Variants in IMPDH1 observed in about 807,000 individuals in gnomAD.
The protein encoded by IMPDH1 is inosine-5'-monophosphate dehydrogenase 1.
Under a neutral mutation model 73.5 loss-of-function variants are expected in IMPDH1, and 41 were observed. The observed-to-expected ratio is 0.56, with a 90% CI of 0.43 to 0.72. The LOEUF is 0.72. Among genes scored for constraint, IMPDH1 ranks in the 30% least tolerant of loss-of-function variants. IMPDH1 has a pLI of 0.00. For missense variants in IMPDH1, 645 were observed against 824.8 expected (o/e 0.78, Z 2.67); for synonymous variants, 318 against 334.3 (o/e 0.95, Z 0.53).
chr7:128,409,863 G>A lies in IMPDH1; in HGVS notation c.39C>T (p.Gly13=), dbSNP rs1400989294. 1.3e-6 allele frequency: 2 copies of A among 1,488,818 alleles called. No individual in the cohort carries two copies. The highest frequency in any genetic ancestry group is 2.8e-5 in the East Asian group (1 of 35,694). 92.2% of individuals were successfully genotyped at this position (1,488,818 alleles called of 1,614,324 possible). Reference sequence around the variant, plus strand: ...CGGGCTCCGGAACAGCGGCGGCTCCGCCTCCCTGCAGCGGTGGTGGAGTGA... The same window carrying A: ...CGGGCTCCGGAACAGCGGCGGCTCCACCTCCCTGCAGCGGTGGTGGAGTGA... ...GPLTPPPLQG[G]GAAAVPEPGA... The change falls in exon 1 of 17, where the codon GGC becomes GGT. Residue 13 remains glycine, a synonymous_variant. Coordinates refer to ENST00000338791, the MANE Select transcript of IMPDH1 (RefSeq NM_000883.4).
At chr7:128,407,927 A>G (rs571473355) in intron 3 of IMPDH1, among the ~76,000 whole-genome samples, 2 of 151,916 alleles carry the variant, frequency 1.3e-5, no homozygotes, top group Non-Finnish European at 2.9e-5. Flanking sequence ...GCTCCCCTAC[A>G]CACCTCCCAC....
chr7:128,396,810 C>T lies in IMPDH1; in HGVS notation c.1166-115G>A, dbSNP rs937063730. 3.1e-5 allele frequency: 35 copies of T among 1,135,632 alleles called. No individual in the cohort carries two copies. Among genetic ancestry groups the T allele is most frequent in the Admixed American group, 5.9e-5 (3 of 50,848 alleles). The allele number at this position is 1,135,632 out of a possible 1,614,324, so 70.3% of individuals were successfully genotyped here. A position where few individuals can be genotyped will look rare whatever the true frequency, so the allele number is the denominator to read the frequency against. On this transcript the variant is annotated intron_variant, in intron 11 of 16. Transcript: ENST00000338791. The surrounding 1 kb of genome is among the most constrained non-coding windows in gnomAD (Gnocchi z 4.0). ...CCAACCCCCCTACAGTGACCAAAGCCCATCATGCTCCCTGCCACCCATGCC... is the reference window on the plus strand; with the variant it reads ...CCAACCCCCCTACAGTGACCAAAGCTCATCATGCTCCCTGCCACCCATGCC...
At chr7:128,404,344 A>G (rs1798555025) in intron 4 of IMPDH1, among the ~76,000 whole-genome samples, 2 of 152,146 alleles carry the variant, frequency 1.3e-5, no homozygotes, top group Non-Finnish European at 2.9e-5. Context: ...GGGAGGAAAG[A>G]GGCCTTAGAG....
At chr7:128,400,926 C>A in intron 6 of IMPDH1, 35 bp from the exon 7 acceptor site, 5 of 1,603,810 alleles carry the variant, frequency 3.1e-6, no homozygotes, top group Non-Finnish European at 4.3e-6. Flanking sequence ...AGAGCCGGGG[C>A]CCATTCCTCC....
intron 5 of IMPDH1, among the ~76,000 whole-genome samples, chr7:128,402,979 A>G (rs1798443935): frequency 6.6e-6 from 1 of 152,180 alleles, no homozygotes; most frequent in Non-Finnish European, 1.5e-5. Flanking sequence ...TCAAATCTCC[A>G]TAATTTCACT....
In IMPDH1 at chr7:128,394,435, AC is replaced by A. The variant is rs748320041; in HGVS notation, c.1694+20del. ...GAGCGAGAGAAAGGAAGCAGGAGCC[AC>A]CCCCAGTCTCAGCACTCACCGAAGG... On this transcript the variant is annotated intron_variant, in intron 15 of 16. Coordinates refer to ENST00000338791, the MANE Select transcript of IMPDH1 (RefSeq NM_000883.4). This position sits in a 1 kb window ranked among gnomAD's most constrained non-coding sequence, Gnocchi z 5.5. The A allele has an allele frequency of 1.4e-5, 23 of 1,613,698 alleles. No homozygotes were observed. The South Asian group carries it at 2.4e-4, about 17-fold the overall frequency.
At chr7:128,399,583 A>C (rs1798170722) in intron 9 of IMPDH1, among the ~76,000 whole-genome samples, 1 of 152,016 alleles carries the variant, frequency 6.6e-6, no homozygotes, top group African/African-American at 2.4e-5. Context: ...GCTACTCAGA[A>C]GGCTGAGGCA....
Position 128,409,911 on chromosome 7 carries a change from G to A in IMPDH1, c.-10C>T, listed in dbSNP as rs1799034537. ...TGAGTGGCCCCTCCATGCGGAGGCC[G>A]CAGCTCAGGGCGGGCGGGAGCCTGG... On this transcript the variant is annotated 5_prime_UTR_variant, in exon 1 of 17. Coordinates refer to ENST00000338791, the MANE Select transcript of IMPDH1 (RefSeq NM_000883.4). 7.2e-7 allele frequency: 1 copy of A among 1,380,080 alleles called. No individual in the cohort carries two copies. The allele number at this position is 1,380,080 out of a possible 1,614,324, so 85.5% of individuals were successfully genotyped here. A position where few individuals can be genotyped will look rare whatever the true frequency, so the allele number is the denominator to read the frequency against.
intron 3 of IMPDH1, among the ~76,000 whole-genome samples, chr7:128,407,580 G>T (rs542593169): frequency 5.5e-4 from 83 of 152,288 alleles, no homozygotes; most frequent in Non-Finnish European, 1.1e-3. Context: ...CTGCTCTGGG[G>T]TACCTTTCTG....
chr7:128,399,336 A>C (rs1164046886), intron 9 of IMPDH1, among the ~76,000 whole-genome samples: 3 of 152,014 alleles, frequency 2.0e-5, no homozygotes, highest in Non-Finnish European at 4.4e-5. Flanking sequence ...ACTGCACTCC[A>C]GCCTGGATGA....
At position 128,396,101 on chromosome 7, in the gene IMPDH1, A is replaced by G. The variant is rs1053243637; in HGVS notation, c.1261+499T>C. On this transcript the variant is annotated intron_variant, in intron 12 of 16. Transcript: ENST00000338791. The surrounding 1 kb of genome is among the most constrained non-coding windows in gnomAD (Gnocchi z 4.0). ...AGTCAGATACCAGCCTCCAGGGAGC[A>G]CCTCCTCAATAACCACATGGGGGAC... Among the ~76,000 whole-genome samples the G allele has an allele frequency of 6.6e-6, 1 of 151,900 alleles. No homozygotes were observed. The highest frequency in any genetic ancestry group is 1.5e-5 in the Non-Finnish European group (1 of 67,980).
At chr7:128,395,076 A>AG in intron 13 of IMPDH1, 43 bp from the exon 14 acceptor site, 1 of 1,612,756 alleles carries the variant, frequency 6.2e-7, no homozygotes, top group South Asian at 1.1e-5. Context: ...CACTAGTGCC[A>AG]CCCCCCCAGC....
At chr7:128,401,199 A>G in intron 5 of IMPDH1, 83 bp from the exon 6 acceptor site, 1 of 985,916 alleles carries the variant, frequency 1.0e-6, no homozygotes, top group Admixed American at 1.8e-5. Context: ...CACCGGCACC[A>G]GGACAGGCCC....
chr7:128,396,542 G>A lies in IMPDH1; in HGVS notation c.1261+58C>T. The A allele has an allele frequency of 8.0e-7, 1 of 1,251,896 alleles. No individual in the cohort carries two copies. Among genetic ancestry groups the A allele is most frequent in the Non-Finnish European group, 1.1e-6 (1 of 875,402 alleles). The allele number at this position is 1,251,896 out of a possible 1,614,324, so 77.5% of individuals were successfully genotyped here. ...CAGAGAGAGTACTTGATATACATCTGGGGAACAAAGGCGAGGCCCCGGGGC... is the reference window on the plus strand; with the variant it reads ...CAGAGAGAGTACTTGATATACATCTAGGGAACAAAGGCGAGGCCCCGGGGC... On this transcript the variant is annotated intron_variant, in intron 12 of 16. Transcript: ENST00000338791. This position sits in a 1 kb window ranked among gnomAD's most constrained non-coding sequence, Gnocchi z 4.0.
intron 12 of IMPDH1, among the ~76,000 whole-genome samples, chr7:128,395,771 C>T (rs945366964): frequency 6.6e-5 from 10 of 152,330 alleles, no homozygotes; most frequent in South Asian, 2.1e-4. Flanking sequence ...CCAGAGATGG[C>T]GCCTCTCATT....
chr7:128,400,155 C>A lies in IMPDH1; in HGVS notation c.814G>T (p.Val272Leu). ...TTCAACGTCACACCTGCTGGAGCCA[C>A]CACCAGTTCAATCCTTGGCGTCATC... Reference protein sequence around the residue: ...EVMTPRIELVVAPAGVTLKEA... With the variant: ...EVMTPRIELVLAPAGVTLKEA... The change falls in exon 9 of 17, where the codon GTG (valine) becomes TTG (leucine). Residue 272 changes from valine to leucine, a missense_variant. Val to Leu is a conservative substitution (Grantham distance 32). Coordinates refer to ENST00000338791, the MANE Select transcript of IMPDH1 (RefSeq NM_000883.4). 6.2e-7 allele frequency: 1 copy of A among 1,614,120 alleles called. No individual in the cohort carries two copies. Among genetic ancestry groups the A allele is most frequent in the Non-Finnish European group, 8.5e-7 (1 of 1,180,038 alleles).
In IMPDH1 at chr7:128,401,062, A is replaced by T. The variant is rs766677551; in HGVS notation, c.457T>A (p.Ser153Thr). ...KITLKTPLIS[S>T]PMDTVTEADM... Reference sequence around the variant, plus strand: ...GCCTCTGTCACAGTGTCCATGGGGGAGGAGATCAGTGGCGTCTTCAGCGTG... The same window carrying T: ...GCCTCTGTCACAGTGTCCATGGGGGTGGAGATCAGTGGCGTCTTCAGCGTG... The change falls in exon 6 of 17, where the codon TCC (serine) becomes ACC (threonine). Residue 153 changes from serine (S) to threonine (T), a missense_variant. This residue lies in a region of IMPDH1 where 459 missense variants were observed against 638.2 expected (regional missense o/e 0.72). Transcript: ENST00000338791. 6.2e-7 allele frequency: 1 copy of T among 1,613,912 alleles called. No individual in the cohort carries two copies. Among genetic ancestry groups the T allele is most frequent in the Admixed American group, 1.7e-5 (1 of 59,984 alleles).
intron 16 of IMPDH1, among the ~76,000 whole-genome samples, chr7:128,393,535 C>T (rs1056323076): frequency 5.3e-5 from 8 of 152,276 alleles, no homozygotes; most frequent in African/African-American, 1.9e-4. Flanking sequence ...GGGGACACTG[C>T]TGGTTTCCTC....
Position 128,398,335 on chromosome 7 carries a change from G to C in IMPDH1, c.1074+79C>G. 1 of 1,155,830 alleles carries C rather than the reference G, an allele frequency of 8.7e-7. No individual in the cohort carries two copies. The highest frequency in any genetic ancestry group is 1.3e-6 in the Non-Finnish European group (1 of 771,000). The allele number at this position is 1,155,830 out of a possible 1,614,324, so 71.6% of individuals were successfully genotyped here. ...AGGGAGGGGCACAGGCTTAATCAGA[G>C]GTGAACCTGGGTCCTCATAAACCTC... On this transcript the variant is annotated intron_variant, in intron 10 of 16. Coordinates refer to ENST00000338791, the MANE Select transcript of IMPDH1 (RefSeq NM_000883.4). This position sits in a 1 kb window ranked among gnomAD's most constrained non-coding sequence, Gnocchi z 4.3.
Sources: gnomAD v4.1 joint callset for allele counts (sites outside exome capture counted in the v4.1 genomes callset) on GRCh38, gnomAD v4.1.1 for gene constraint, gnomAD v4.1.1 regional missense constraint, Gnocchi (gnomAD v3.1) non-coding constraint, MANE v1.5 for transcripts, NCBI Gene and HGNC (gene_info 2026-07-23, HGNC 2026-07-21) for gene names.